EVL: variants seen among roughly 807,000 people sequenced by gnomAD.
The protein encoded by EVL is Enah/Vasp-like, also known as ena/VASP-like protein.
In EVL, 21 loss-of-function variants were observed where a neutral mutation model predicts 59.6. The ratio of observed to expected loss-of-function variants is 0.35; its 90% CI spans 0.25 to 0.51. EVL has a LOEUF of 0.51. Ranked by LOEUF, EVL falls within the 20% of genes least tolerant of loss-of-function variation. The pLI is 0.97. For missense variants in EVL, 462 were observed against 546.6 expected, an observed-to-expected ratio of 0.85 and a Z score of 1.54; for synonymous variants, 198 against 203.5, an observed-to-expected ratio of 0.97 and a Z score of 0.23.
intron 1 of EVL, among the ~76,000 whole-genome samples, chr14:99,996,273 A>G (rs972426339): frequency 1.4e-4 from 21 of 152,120 alleles, no homozygotes; most frequent in Middle Eastern, 3.4e-3. Flanking sequence ...TGGGGTACAG[A>G]AACCTCTTAA....
chr14:100,111,300 G>A (rs1372512741), intron 3 of EVL, among the ~76,000 whole-genome samples: 3 of 151,930 alleles, frequency 2.0e-5, no homozygotes, highest in Non-Finnish European at 2.9e-5. Context: ...GGGACTACAG[G>A]CATGCGCCAC....
At chr14:100,065,048 G>T (rs1207061392), upstream of EVL, among the ~76,000 whole-genome samples, 1 of 152,204 alleles carries the variant, frequency 6.6e-6, no homozygotes, top group African/African-American at 2.4e-5. Context: ...TGCTGAGCCT[G>T]CACTTTCTAT....
At chr14:100,092,968 A>G (rs531387369) in intron 2 of EVL, among the ~76,000 whole-genome samples, 2 of 152,346 alleles carry the variant, frequency 1.3e-5, no homozygotes, top group Non-Finnish European at 2.9e-5. Context: ...TACTAAATGA[A>G]GCAGCCTCAC....
intron 1 of EVL, among the ~76,000 whole-genome samples, chr14:100,066,938 A>AAAAC (rs1204571599): frequency 6.6e-6 from 1 of 152,244 alleles, no homozygotes; most frequent in Non-Finnish European, 1.5e-5. Context: ...TCATTGAGAA[A>AAAAC]AAACAGTCAT....
At chr14:100,105,129 A>G (rs12101038) in intron 3 of EVL, among the ~76,000 whole-genome samples, 19,253 of 151,636 alleles carry the variant, frequency 0.13, 2,263 homozygotes, top group African/African-American at 0.3. Context: ...TGTTTACTCA[A>G]TCATGCTACT....
chr14:100,099,839 C>T (rs1312708384), intron 3 of EVL, among the ~76,000 whole-genome samples: 1 of 151,372 alleles, frequency 6.6e-6, no homozygotes, highest in Non-Finnish European at 1.5e-5. Context: ...TTCCAAAGTG[C>T]TGGGATTACA....
At chr14:100,133,243 A>G (rs1242344437) in intron 8 of EVL, among the ~76,000 whole-genome samples, 1 of 152,102 alleles carries the variant, frequency 6.6e-6, no homozygotes, top group Non-Finnish European at 1.5e-5. Flanking sequence ...GGAGCCCTGG[A>G]CCCCTGGCTC....
intron 1 of EVL, among the ~76,000 whole-genome samples, chr14:100,011,757 A>G (rs8011526): frequency 0.08 from 12,142 of 152,244 alleles, 515 homozygotes; most frequent in Middle Eastern, 0.11. Context: ...GCTCTTAAGG[A>G]TAATCTAATT....
chr14:99,986,838 G>A (rs28673568), intron 1 of EVL, among the ~76,000 whole-genome samples: 28,988 of 152,038 alleles, frequency 0.19, 3,301 homozygotes, highest in Non-Finnish European at 0.26. Context: ...CAAATACTGG[G>A]ACAAAGTACC....
At position 100,141,767 on chromosome 14, in the gene EVL, A is replaced by G; in HGVS notation, c.1193A>G (p.His398Arg). The change falls in exon 13 of 14, where the codon CAC becomes CGC. Residue 398 changes from histidine (H) to arginine (R), a missense_variant. Coordinates refer to ENST00000392920, the MANE Select transcript of EVL (RefSeq NM_016337.3). ...CTAGAGGAGGTGGTGAGAGAGCTCCACAAGGTGAAGGAGGAGATCATCGAC... is the reference window on the plus strand; with the variant it reads ...CTAGAGGAGGTGGTGAGAGAGCTCCGCAAGGTGAAGGAGGAGATCATCGAC... The part of the protein sequence containing the change: ...EILEEVVREL[H>R]KVKEEIIDAI... 1 of 1,613,454 alleles carries G rather than the reference A, an allele frequency of 6.2e-7. No individual in the cohort carries two copies. Among genetic ancestry groups the G allele is most frequent in the Non-Finnish European group, 8.5e-7 (1 of 1,179,916 alleles).
In EVL at chr14:100,130,272, C is replaced by T. The variant is rs1284976655; in HGVS notation, c.839+588C>T. ...CTGCAGCGGGTGTGGCTGCAGCCTG[C>T]CATTGTGGCTCTCCGCTGTTCCCCA... On this transcript the variant is annotated intron_variant, in intron 7 of 13. Coordinates refer to ENST00000392920, the MANE Select transcript of EVL (RefSeq NM_016337.3). This position sits in a 1 kb window ranked among gnomAD's most constrained non-coding sequence, Gnocchi z 4.8. Among the ~76,000 whole-genome samples, 1 of 152,186 alleles carries T rather than the reference C, an allele frequency of 6.6e-6. No homozygotes were observed. Among genetic ancestry groups the T allele is most frequent in the Non-Finnish European group, 1.5e-5 (1 of 68,038 alleles).
chr14:100,133,445 A>G (rs1478333186), intron 8 of EVL, among the ~76,000 whole-genome samples: 2 of 152,250 alleles, frequency 1.3e-5, no homozygotes, highest in East Asian at 3.8e-4. Context: ...TCAGAGAGGA[A>G]ATAAAACTGC....
Position 100,109,802 on chromosome 14 carries a change from A to G in EVL, c.358+12144A>G. The G allele has an allele frequency of 2.1e-6, 1 of 474,160 alleles. No individual in the cohort carries two copies. Among genetic ancestry groups the G allele is most frequent in the South Asian group, 1.6e-5 (1 of 63,526 alleles). 29.4% of individuals were successfully genotyped at this position (474,160 alleles called of 1,614,324 possible). ...CGCCTTCTCCAGCCACAGCCTATGG[A>G]AGGGCCTTCAGCTGCTGTGGCCCCG... is the stretch of plus-strand genomic sequence containing the variant. On this transcript the variant is annotated intron_variant, in intron 3 of 13. Coordinates refer to ENST00000392920, the MANE Select transcript of EVL (RefSeq NM_016337.3). The surrounding 1 kb of genome is among the most constrained non-coding windows in gnomAD (Gnocchi z 4.3).
chr14:100,070,963 G>C (rs932062987), intron 1 of EVL, among the ~76,000 whole-genome samples: 1 of 152,224 alleles, frequency 6.6e-6, no homozygotes, highest in Non-Finnish European at 1.5e-5. Context: ...TACGCCGGTG[G>C]CCTTGAAAGA....
chr14:99,990,718 T>C (rs1191012), intron 1 of EVL, among the ~76,000 whole-genome samples: 2 of 151,818 alleles, frequency 1.3e-5, no homozygotes, highest in Non-Finnish European at 2.9e-5. Flanking sequence ...TATATATATA[T>C]AGAGAGAGAG....
chr14:100,012,517 G>A (rs1008418580), intron 1 of EVL, among the ~76,000 whole-genome samples: 1 of 152,120 alleles, frequency 6.6e-6, no homozygotes, highest in Admixed American at 6.5e-5. Flanking sequence ...TATTCAAAAG[G>A]GTAATCTGCC....
At chr14:100,097,368 A>G (rs566980876) in intron 2 of EVL, 113 bp from the exon 3 acceptor site, 3 of 907,590 alleles carry the variant, frequency 3.3e-6, no homozygotes, top group Non-Finnish European at 4.9e-6. Context: ...TTCAAACCCC[A>G]TCCCCATCTT....
intron 1 of EVL, among the ~76,000 whole-genome samples, chr14:100,077,827 C>T (rs909649656): frequency 6.6e-6 from 1 of 152,170 alleles, no homozygotes; most frequent in African/African-American, 2.4e-5. Context: ...GGCTAGAGTG[C>T]AATGGCGCAA....
intron 1 of EVL, among the ~76,000 whole-genome samples, chr14:100,039,381 C>T (rs922347106): frequency 2.0e-5 from 3 of 152,150 alleles, no homozygotes; most frequent in African/African-American, 4.8e-5. Flanking sequence ...GGATTACAAG[C>T]ATGCACCACC....
Sources: allele counts gnomAD v4.1 joint callset (sites outside exome capture counted in the v4.1 genomes callset), GRCh38; gene constraint gnomAD v4.1.1; non-coding constraint Gnocchi (gnomAD v3.1); transcripts MANE v1.5; gene names NCBI Gene and HGNC (gene_info 2026-07-23, HGNC 2026-07-21).